The following FRMPD4 variants were observed in gnomAD, a reference collection of about 807,000 sequenced individuals.
The protein encoded by FRMPD4 is FERM and PDZ domain containing 4.
Under a neutral mutation model 94.1 loss-of-function variants are expected in FRMPD4, and 22 were observed. That is an observed-to-expected ratio of 0.23 (90% CI 0.17 to 0.33). The LOEUF (loss-of-function observed/expected upper bound fraction) is 0.33. FRMPD4 is among the 10% of genes least tolerant of loss of function. FRMPD4 has a pLI of 1.00. For synonymous variants in FRMPD4, 631 were observed against 548.6 expected, an observed-to-expected ratio of 1.15 and a Z score of -2.10; for missense variants, 1,111 against 1,339.9, an observed-to-expected ratio of 0.83 and a Z score of 2.67.
chrX:12,027,925 A>G (rs1381822121), intron 3 of FRMPD4, among the ~76,000 whole-genome samples: 4 of 112,594 alleles, frequency 3.6e-5, no homozygotes, highest in Non-Finnish European at 7.5e-5. Flanking sequence ...AGTTTATTAA[A>G]TAAGTCACTA....
At position 12,294,738 on chromosome X, in the gene FRMPD4, G is replaced by C. The variant is rs112449361; in HGVS notation, c.41+155726G>C. On this transcript the variant is annotated intron_variant, in intron 1 of 16. Coordinates refer to ENST00000675598, the MANE Select transcript of FRMPD4 (RefSeq NM_001368397.1). The stretch of plus-strand genomic sequence containing the variant: ...AAAGGACTGTGTCACCCTAGTCATT[G>C]CTATATCCCCACTCCCTAGTGTAGT... 2.9e-3 allele frequency among the ~76,000 whole-genome samples: 318 copies of C among 111,460 alleles called. 2 individuals are homozygous for C. The highest frequency in any genetic ancestry group is 5.0e-3 in the Non-Finnish European group (264 of 53,035).
intron 1 of FRMPD4, among the ~76,000 whole-genome samples, chrX:12,240,287 G>A (rs1023372287): frequency 2.7e-5 from 3 of 112,006 alleles, no homozygotes; most frequent in African/African-American, 9.7e-5. Context: ...CTTGAACTTC[G>A]TGGAACTCTC....
At chrX:12,460,298 C>T (rs1010177287) in intron 1 of FRMPD4, among the ~76,000 whole-genome samples, 3 of 111,924 alleles carry the variant, frequency 2.7e-5, no homozygotes, top group African/African-American at 9.7e-5. Flanking sequence ...TCTTTTATGG[C>T]TCATGTTTTC....
intron 3 of FRMPD4, among the ~76,000 whole-genome samples, chrX:12,026,003 A>G (rs2054659277): frequency 8.9e-6 from 1 of 112,084 alleles, no homozygotes; most frequent in African/African-American, 3.2e-5. Context: ...TTAGATAACT[A>G]ATATAACTAA....
chrX:12,497,502 T>C (rs1346452363), intron 1 of FRMPD4, among the ~76,000 whole-genome samples: 1 of 106,684 alleles, frequency 9.4e-6, no homozygotes, highest in African/African-American at 3.4e-5. Flanking sequence ...CCAGAGGAAA[T>C]TGCCACTGCT....
chrX:12,236,734 C>T (rs1266983901), intron 1 of FRMPD4, among the ~76,000 whole-genome samples: 3 of 111,797 alleles, frequency 2.7e-5, no homozygotes, highest in Non-Finnish European at 5.6e-5. Context: ...TTATCTTGTT[C>T]GTGACTTAGG....
chrX:12,271,809 T>C (rs1021945197), intron 1 of FRMPD4, among the ~76,000 whole-genome samples: 1 of 112,065 alleles, frequency 8.9e-6, no homozygotes, highest in Non-Finnish European at 1.9e-5. Context: ...ATCCCAAACT[T>C]TGTGAGCATC....
intron 1 of FRMPD4, among the ~76,000 whole-genome samples, chrX:12,226,961 G>T (rs2056929458): frequency 1.8e-5 from 2 of 111,275 alleles, no homozygotes; most frequent in Admixed American, 1.9e-4. Context: ...CCTCTGCTCA[G>T]AGGATGTGTT....
At chrX:12,127,352 A>C (rs1041033677) in intron 3 of FRMPD4, among the ~76,000 whole-genome samples, 1 of 111,817 alleles carries the variant, frequency 8.9e-6, no homozygotes, top group Non-Finnish European at 1.9e-5. Flanking sequence ...AGAAGGGGGA[A>C]GCAAACACAT....
intron 3 of FRMPD4, among the ~76,000 whole-genome samples, chrX:12,017,914 C>T (rs2054612474): frequency 9.0e-6 from 1 of 111,523 alleles, no homozygotes; most frequent in East Asian, 2.8e-4. Context: ...TGAATTGGGT[C>T]CTGGCTATCT....
At chrX:12,044,978 C>A (rs2054777868) in intron 3 of FRMPD4, among the ~76,000 whole-genome samples, 1 of 112,298 alleles carries the variant, frequency 8.9e-6, no homozygotes. Context: ...CAAACTTTTG[C>A]CTGTGGGCCA....
chrX:12,250,046 CTCTG>C (rs1462276077), intron 1 of FRMPD4, among the ~76,000 whole-genome samples: 4 of 68,903 alleles, frequency 5.8e-5, no homozygotes, highest in East Asian at 1.3e-3. Context: ...CTCTCTCTCT[CTCTG>C]TGTGTGTGTG....
intron 3 of FRMPD4, among the ~76,000 whole-genome samples, chrX:11,942,794 G>A (rs765568283): frequency 8.9e-6 from 1 of 111,878 alleles, no homozygotes; most frequent in Admixed American, 9.5e-5. Context: ...GTCAGCACTA[G>A]CTAGTTCAAT....
intron 1 of FRMPD4, among the ~76,000 whole-genome samples, chrX:12,206,604 C>T (rs1313694485): frequency 1.8e-5 from 2 of 112,122 alleles, no homozygotes; most frequent in South Asian, 3.8e-4. Flanking sequence ...GCAGCCACCA[C>T]GCCTAGTCTT....
At chrX:12,392,313 T>A (rs1324765706) in intron 1 of FRMPD4, among the ~76,000 whole-genome samples, 2 of 104,202 alleles carry the variant, frequency 1.9e-5, no homozygotes, top group Non-Finnish European at 3.9e-5. Flanking sequence ...AGTGCTGGGA[T>A]TACTGGCGTG....
intron 3 of FRMPD4, among the ~76,000 whole-genome samples, chrX:11,998,849 A>G (rs1279139814): frequency 2.7e-5 from 3 of 112,235 alleles, no homozygotes; most frequent in African/African-American, 9.7e-5. Context: ...TTAGGAAACA[A>G]CTTGTCTTTC....
At chrX:12,272,867 G>C (rs1016188838) in intron 1 of FRMPD4, among the ~76,000 whole-genome samples, 20 of 111,346 alleles carry the variant, frequency 1.8e-4, no homozygotes, top group African/African-American at 6.2e-4. Flanking sequence ...TAAGGAGTTT[G>C]AGACCAGCCT....
At chrX:12,420,310 G>C (rs186424883) in intron 1 of FRMPD4, among the ~76,000 whole-genome samples, 1 of 111,929 alleles carries the variant, frequency 8.9e-6, no homozygotes, top group East Asian at 2.8e-4. Context: ...TTCTAACACT[G>C]TCCCACCCGG....
At chrX:11,857,239 C>G (rs1254935026) in intron 1 of FRMPD4, among the ~76,000 whole-genome samples, 1 of 110,953 alleles carries the variant, frequency 9.0e-6, no homozygotes, top group Non-Finnish European at 1.9e-5. Flanking sequence ...AAAAGGAGCC[C>G]GAATAGCCAA....
Sources: allele counts gnomAD v4.1 joint callset (sites outside exome capture counted in the v4.1 genomes callset), GRCh38; gene constraint gnomAD v4.1.1; transcripts MANE v1.5; gene names NCBI Gene and HGNC (gene_info 2026-07-23, HGNC 2026-07-21).